Variants in KANK1 observed in about 807,000 individuals in gnomAD.
KANK1 encodes the protein KN motif and ankyrin repeat domain-containing protein 1.
KANK1 carries 109 observed loss-of-function variants against 106.2 expected under a neutral mutation model. That is an observed-to-expected ratio of 1.03 (90% CI 0.88 to 1.20). KANK1 has a LOEUF of 1.20. KANK1 is among the 50% of genes most tolerant of loss of function. KANK1 has a pLI of 0.00. For synonymous variants in KANK1, 873 were observed against 652.2 expected (o/e 1.34, Z -5.16); for missense variants, 2,399 against 1,710.7 (o/e 1.40, Z -7.10).
intron 2 of KANK1, among the ~76,000 whole-genome samples, chr9:688,417 C>T (rs1819048627): frequency 6.6e-6 from 1 of 152,118 alleles, no homozygotes; most frequent in Admixed American, 6.5e-5. Flanking sequence ...ATCTGCCTGG[C>T]CAACGGGGTG....
At chr9:704,863 A>G (rs1291530544) in intron 2 of KANK1, among the ~76,000 whole-genome samples, 1 of 151,684 alleles carries the variant, frequency 6.6e-6, no homozygotes, top group African/African-American at 2.4e-5. Context: ...GTGGTGCTAC[A>G]TACCTATAGT....
intron 3 of KANK1, among the ~76,000 whole-genome samples, chr9:718,684 T>C (rs1828431734): frequency 6.6e-6 from 1 of 152,138 alleles, no homozygotes; most frequent in Non-Finnish European, 1.5e-5. Flanking sequence ...GAGATTAGTT[T>C]TTCTCCTACA....
chr9:738,221 C>G (rs1371761713), intron 7 of KANK1, 64 bp from the exon 8 acceptor site: 5 of 1,358,060 alleles, frequency 3.7e-6, no homozygotes, highest in Non-Finnish European at 5.1e-6. Flanking sequence ...GTTACTTGTG[C>G]TTTCAACTAG....
At chr9:649,984 TC>T (rs1171011562) in intron 1 of KANK1, among the ~76,000 whole-genome samples, 5 of 152,096 alleles carry the variant, frequency 3.3e-5, no homozygotes, top group African/African-American at 1.2e-4. Context: ...AATTCTGCAG[TC>T]CTGTGTTTTT....
At position 518,600 on chromosome 9, in the gene KANK1, G is replaced by A. The variant is rs564893338; in HGVS notation, c.-84+13846G>A. Among the ~76,000 whole-genome samples, 235 of 151,832 alleles carry A rather than the reference G, an allele frequency of 1.5e-3. 3 individuals carry two copies. Among genetic ancestry groups the A allele is most frequent in the Non-Finnish European group, 2.8e-3 (189 of 68,014 alleles). ...AAAGAAATATTGATATTGTCATTCC[G>A]TGGTGTTTAAGTGTGTAAAGAGGAG... is the stretch of plus-strand genomic sequence containing the variant. On this transcript the variant is annotated intron_variant, in intron 1 of 11. Coordinates refer to ENST00000382297, the MANE Select transcript of KANK1 (RefSeq NM_015158.5).
chr9:710,622 AAAAAAAACAAAAAAAAAC>A (rs954358393), intron 2 of KANK1, among the ~76,000 whole-genome samples, 164 bp from the exon 3 acceptor site: 10 of 128,940 alleles, frequency 7.8e-5, no homozygotes, highest in African/African-American at 3.2e-4. Flanking sequence ...TCTCAAAAAA[AAAAAAAACAAAAAAAAAC>A]AAAAAAAACT....
chr9:508,776 T>C (rs1032501546), intron 1 of KANK1, among the ~76,000 whole-genome samples: 1 of 152,150 alleles, frequency 6.6e-6, no homozygotes, highest in Non-Finnish European at 1.5e-5. Flanking sequence ...GACTACAATT[T>C]ATCAATTTTT....
intron 8 of KANK1, among the ~76,000 whole-genome samples, chr9:739,018 A>G (rs994585853): frequency 6.6e-6 from 1 of 152,230 alleles, no homozygotes; most frequent in Non-Finnish European, 1.5e-5. Flanking sequence ...ATTCTCACCA[A>G]AATATACTGT....
rs556654946 is a variant in KANK1 at position 641,541 on chromosome 9, G to T, written c.-83-35349G>T. On this transcript the variant is annotated intron_variant, in intron 1 of 11. Transcript: ENST00000382297. ...GCACAAAGTTTAGGGAGTTCTAAGC[G>T]TTGGGATTCCAAGGCATATTACCCT... 1.4e-4 allele frequency among the ~76,000 whole-genome samples: 22 copies of T among 152,276 alleles called. No homozygotes were observed. In the South Asian group the frequency reaches 4.6e-3, roughly 32 times the overall value.
intron 1 of KANK1, among the ~76,000 whole-genome samples, chr9:658,942 T>G (rs959230683): frequency 1.3e-5 from 2 of 152,190 alleles, no homozygotes; most frequent in Admixed American, 1.3e-4. Flanking sequence ...CACCCATTCC[T>G]ATACATCTGC....
chr9:734,518 T>A, intron 6 of KANK1: 1 of 382,382 alleles, frequency 2.6e-6, no homozygotes, highest in Middle Eastern at 8.5e-4. Flanking sequence ...ATACAAAAAT[T>A]AGCTGGGCCT....
chr9:609,384 T>A (rs528393656), intron 1 of KANK1, among the ~76,000 whole-genome samples: 183 of 152,282 alleles, frequency 1.2e-3, no homozygotes, highest in African/African-American at 4.2e-3. Context: ...TCCCAGCACT[T>A]TGGGAGGCCG....
At chr9:709,436 C>G (rs887068798) in intron 2 of KANK1, among the ~76,000 whole-genome samples, 1 of 152,178 alleles carries the variant, frequency 6.6e-6, no homozygotes, top group Non-Finnish European at 1.5e-5. Flanking sequence ...GCAGGGACAT[C>G]TCATCCCAGG....
intron 1 of KANK1, among the ~76,000 whole-genome samples, chr9:653,856 G>T (rs925952668): frequency 6.6e-6 from 1 of 152,178 alleles, no homozygotes; most frequent in African/African-American, 2.4e-5. Flanking sequence ...GTTTACAGTT[G>T]CTGTTAGATT....
chr9:638,525 C>G (rs1273298051), intron 1 of KANK1, among the ~76,000 whole-genome samples: 2 of 152,158 alleles, frequency 1.3e-5, no homozygotes, highest in Non-Finnish European at 1.5e-5. Context: ...TTCCTGGCCA[C>G]TGGGGCTCGA....
chr9:619,080 A>C (rs1420119155), intron 1 of KANK1, among the ~76,000 whole-genome samples: 1 of 152,216 alleles, frequency 6.6e-6, no homozygotes, highest in African/African-American at 2.4e-5. Context: ...AAATGGCCAT[A>C]ACTAAGTACA....
chr9:627,802 C>G (rs10491595), intron 1 of KANK1, among the ~76,000 whole-genome samples: 23,595 of 152,116 alleles, frequency 0.16, 2,011 homozygotes, highest in Admixed American at 0.18. Context: ...TTTTCCCTTT[C>G]TATTTTCAGC....
chr9:734,857 C>T (rs1316349830), intron 7 of KANK1, 22 bp downstream of exon 7: 2 of 1,556,998 alleles, frequency 1.3e-6, no homozygotes, highest in East Asian at 2.2e-5. Flanking sequence ...CTGCAAACAC[C>T]ATCCCCAGTG....
intron 2 of KANK1, chr9:693,880 A>G (rs1445650259): frequency 1.1e-6 from 1 of 923,222 alleles, no homozygotes; most frequent in Non-Finnish European, 1.3e-6. Context: ...GTGTGTTGTG[A>G]AAAAGATTTG....
Sources: allele counts gnomAD v4.1 joint callset (sites outside exome capture counted in the v4.1 genomes callset), GRCh38; gene constraint gnomAD v4.1.1; transcripts MANE v1.5; gene names NCBI Gene and HGNC (gene_info 2026-07-23, HGNC 2026-07-21).